LIN28B: variants seen among roughly 807,000 people sequenced by gnomAD.
LIN28B encodes lin-28 RNA binding posttranscriptional regulator B.
LIN28B carries 5 observed loss-of-function variants against 21.9 expected under a neutral mutation model. The observed-to-expected ratio is 0.23, with a 90% CI of 0.12 to 0.48. The LOEUF is 0.48. LIN28B is among the 20% of genes least tolerant of loss of function. The pLI is 0.98. For synonymous variants in LIN28B, 109 were observed against 111.3 expected, an observed-to-expected ratio of 0.98 and a Z score of 0.13; for missense variants, 245 against 310.5, an observed-to-expected ratio of 0.79 and a Z score of 1.58.
chr6:104,955,851 C>A (rs781116263), upstream of LIN28B, among the ~76,000 whole-genome samples: 1 of 151,950 alleles, frequency 6.6e-6, no homozygotes, highest in Non-Finnish European at 1.5e-5. Flanking sequence ...GAAATAAAGT[C>A]TTTTTAGTTA....
chr6:105,027,390 T>C lies in LIN28B; in HGVS notation c.383+908T>C, dbSNP rs80333670. ...TTGTTTGTGGTTTTTTTCACATTAT[T>C]TGATTACTTTGGAGGTTGAATATAT... On this transcript the variant is annotated intron_variant, in intron 3 of 3. Coordinates refer to ENST00000345080, the MANE Select transcript of LIN28B (RefSeq NM_001004317.4). 7.2e-3 allele frequency among the ~76,000 whole-genome samples: 1,092 copies of C among 152,154 alleles called. 15 individuals carry two copies. The highest frequency in any genetic ancestry group is 0.025 in the African/African-American group (1,046 of 41,554).
chr6:105,008,841 T>G (rs1770867969), intron 2 of LIN28B, among the ~76,000 whole-genome samples: 1 of 152,190 alleles, frequency 6.6e-6, no homozygotes, highest in African/African-American at 2.4e-5. Context: ...GTCCTGATTT[T>G]GGTTAAAAAC....
intron 2 of LIN28B, among the ~76,000 whole-genome samples, chr6:104,975,818 C>T (rs1200156521): frequency 4.6e-5 from 7 of 151,256 alleles, no homozygotes; most frequent in Non-Finnish European, 1.0e-4. Context: ...CCATGCTCAG[C>T]TAATTCTTTT....
intron 2 of LIN28B, among the ~76,000 whole-genome samples, chr6:104,997,883 C>T (rs1770644663): frequency 6.6e-6 from 1 of 152,106 alleles, no homozygotes; most frequent in Non-Finnish European, 1.5e-5. Flanking sequence ...AATTTATTCC[C>T]TTGTGCCTTT....
At chr6:104,939,304 T>A (rs1778052306) in intron 2 of LIN28B, 1 of 152,236 alleles carries the variant, frequency 6.6e-6, no homozygotes, top group South Asian at 2.1e-4. Flanking sequence ...CTTCGCAAAG[T>A]AATGTAAGAA....
chr6:105,018,204 T>C (rs1291941504), intron 2 of LIN28B, among the ~76,000 whole-genome samples: 1 of 152,124 alleles, frequency 6.6e-6, no homozygotes, highest in East Asian at 1.9e-4. Flanking sequence ...GGAGGATTGC[T>C]TGAGTCCAGG....
At chr6:105,037,940 G>A (rs1372326144) in intron 3 of LIN28B, among the ~76,000 whole-genome samples, 1 of 152,052 alleles carries the variant, frequency 6.6e-6, no homozygotes, top group Non-Finnish European at 1.5e-5. Context: ...TGTAGAGAAA[G>A]AGTAAGATTG....
At chr6:105,034,413 A>G (rs1771484825) in intron 3 of LIN28B, among the ~76,000 whole-genome samples, 1 of 151,980 alleles carries the variant, frequency 6.6e-6, no homozygotes, top group African/African-American at 2.4e-5. Context: ...TACATGAGTT[A>G]AAGTGGTAAT....
At chr6:104,970,362 GAAAGA>G (rs1366137094) in intron 2 of LIN28B, among the ~76,000 whole-genome samples, 5 of 152,068 alleles carry the variant, frequency 3.3e-5, no homozygotes, top group Admixed American at 1.3e-4. Context: ...GAAAGGAAAG[GAAAGA>G]AAACTTTCTC....
At chr6:105,008,045 G>T (rs1449187015) in intron 2 of LIN28B, among the ~76,000 whole-genome samples, 1 of 152,120 alleles carries the variant, frequency 6.6e-6, no homozygotes, top group African/African-American at 2.4e-5. Context: ...GTAATTTTGT[G>T]CCTTGTGTCC....
chr6:104,948,139 A>G (rs1205314350), intron 2 of LIN28B, among the ~76,000 whole-genome samples: 1 of 152,222 alleles, frequency 6.6e-6, no homozygotes, highest in Non-Finnish European at 1.5e-5. Context: ...AAGAAAACGT[A>G]ATGAACTCTG....
chr6:105,026,392 G>T lies in LIN28B; in HGVS notation c.293G>T (p.Arg98Leu). Residue 98 changes from arginine to leucine, a missense_variant, in exon 3 of 4, where the codon CGG (arginine) becomes CTG (leucine). Coordinates refer to ENST00000345080, the MANE Select transcript of LIN28B (RefSeq NM_001004317.4). ...TCTTCCAAAGGCCTTGAGTCAATAC[G>T]GGTAACAGGACCTGGTGGGAGCCCC... ...KKSSKGLESI[R>L]VTGPGGSPCL... 1.2e-6 allele frequency: 2 copies of T among 1,610,622 alleles called. No homozygotes were observed. The highest frequency in any genetic ancestry group is 1.7e-6 in the Non-Finnish European group (2 of 1,177,296).
chr6:104,970,082 CAGTT>C (rs1303438919), intron 2 of LIN28B, among the ~76,000 whole-genome samples: 9 of 152,246 alleles, frequency 5.9e-5, no homozygotes, highest in African/African-American at 2.2e-4. Flanking sequence ...TAAGGAATCA[CAGTT>C]AGGTGATTTT....
intron 2 of LIN28B, among the ~76,000 whole-genome samples, chr6:104,971,434 A>G (rs1314851285): frequency 2.6e-5 from 4 of 152,182 alleles, no homozygotes; most frequent in Non-Finnish European, 5.9e-5. Context: ...AACTAGATTT[A>G]TAAATACAAT....
At chr6:104,985,664 A>G (rs568300460) in intron 2 of LIN28B, among the ~76,000 whole-genome samples, 1 of 152,280 alleles carries the variant, frequency 6.6e-6, no homozygotes, top group East Asian at 1.9e-4. Context: ...GTCATATTAT[A>G]TATTTTCTTT....
At chr6:104,950,061 C>CA (rs1413739589) in intron 2 of LIN28B, among the ~76,000 whole-genome samples, 9 of 151,968 alleles carry the variant, frequency 5.9e-5, no homozygotes, top group Non-Finnish European at 1.3e-4. Flanking sequence ...AGAGAATAGT[C>CA]AAAGAAGTTA....
chr6:104,957,981 AT>A lies in LIN28B; in HGVS notation c.11-108del, dbSNP rs551109018. On this transcript the variant is annotated intron_variant, in intron 1 of 3. Transcript: ENST00000345080. The stretch of plus-strand genomic sequence containing the variant: ...AAAAGAAATCAAACCATTAAAAAAA[AT>A]TTTTTTTTTCTGTTACCCTTCCCCC... 1,976 of 554,230 alleles carry A rather than the reference AT, an allele frequency of 3.6e-3. 20 individuals carry two copies. Among genetic ancestry groups the A allele is most frequent in the African/African-American group, 0.026 (1,351 of 51,964 alleles). 34.3% of individuals were successfully genotyped at this position (554,230 alleles called of 1,614,324 possible). A position where few individuals can be genotyped will look rare whatever the true frequency, so the allele number is the denominator to read the frequency against.
At chr6:105,008,569 G>A (rs1417629840) in intron 2 of LIN28B, among the ~76,000 whole-genome samples, 2 of 151,722 alleles carry the variant, frequency 1.3e-5, no homozygotes, top group Non-Finnish European at 2.9e-5. Context: ...GCGTGAACCC[G>A]GGAGGTGGAG....
chr6:104,965,365 A>G (rs1313817645), intron 2 of LIN28B, among the ~76,000 whole-genome samples: 2 of 152,060 alleles, frequency 1.3e-5, no homozygotes, highest in Non-Finnish European at 2.9e-5. Flanking sequence ...GTCCCTACCA[A>G]AAAAATTAGC....
Sources: allele counts gnomAD v4.1 joint callset (sites outside exome capture counted in the v4.1 genomes callset), GRCh38; gene constraint gnomAD v4.1.1; transcripts MANE v1.5; gene names NCBI Gene and HGNC (gene_info 2026-07-23, HGNC 2026-07-21).